The following UNC5D variants were observed in gnomAD, a reference collection of about 807,000 sequenced individuals.
The protein encoded by UNC5D is netrin receptor UNC5D.
In UNC5D, 39 loss-of-function variants were observed where a neutral mutation model predicts 105.4. The ratio of observed to expected loss-of-function variants is 0.37; its 90% CI spans 0.29 to 0.48. The LOEUF (loss-of-function observed/expected upper bound fraction) is 0.48, where lower values mean the gene tolerates loss of function less well. Ranked by LOEUF, UNC5D falls within the 20% of genes least tolerant of loss-of-function variation. The probability of loss-of-function intolerance (pLI) is 0.98; values close to 1 mark genes in which losing one functional copy is unlikely to be tolerated. For synonymous variants in UNC5D, 452 were observed against 450.4 expected, an observed-to-expected ratio of 1.00 and a Z score of -0.04; for missense variants, 991 against 1,202.4, an observed-to-expected ratio of 0.82 and a Z score of 2.60.
chr8:35,725,058 G>A (rs1362542656), intron 9 of UNC5D, among the ~76,000 whole-genome samples: 2 of 152,216 alleles, frequency 1.3e-5, no homozygotes, highest in Non-Finnish European at 2.9e-5. Flanking sequence ...GATGGGAAAA[G>A]TCAGGGTGAT....
rs186935409 is a variant in UNC5D at position 35,538,204 on chromosome 8, A to G, written c.104-11088A>G. Reference sequence around the variant, plus strand: ...ATCGGCTATAAGCAAAAGAGGGGGGACATTCGTATCATGGGGCAGAAGGAA... The same window carrying G: ...ATCGGCTATAAGCAAAAGAGGGGGGGCATTCGTATCATGGGGCAGAAGGAA... On this transcript the variant is annotated intron_variant, in intron 1 of 16. Coordinates refer to ENST00000404895, the MANE Select transcript of UNC5D (RefSeq NM_080872.4). Among the ~76,000 whole-genome samples, 4 of 151,456 alleles carry G rather than the reference A, an allele frequency of 2.6e-5. No individual in the cohort carries two copies. The East Asian group carries it at 7.8e-4, about 30-fold the overall frequency.
intron 1 of UNC5D, among the ~76,000 whole-genome samples, chr8:35,251,531 C>T (rs143343683): frequency 7.2e-5 from 11 of 152,238 alleles, no homozygotes; most frequent in Middle Eastern, 3.4e-3. Flanking sequence ...TGGCACACAA[C>T]GTTTCACCTT....
chr8:35,726,564 CATTTA>C lies in UNC5D; in HGVS notation c.1681+37_1681+41del, dbSNP rs1563710673. 5 of 1,592,710 alleles carry C rather than the reference CATTTA, an allele frequency of 3.1e-6. No homozygotes were observed. In the Admixed American group the frequency reaches 6.8e-5, roughly 22 times the overall value. On this transcript the variant is annotated intron_variant, in intron 10 of 16. Transcript: ENST00000404895. ...AAGTGTGTGTTTGTGTATTTTCCAT[CATTTA>C]AATGTTTCATTTTTACACAGTTACT... is the stretch of plus-strand genomic sequence containing the variant.
chr8:35,672,756 C>T (rs970855056), intron 4 of UNC5D, among the ~76,000 whole-genome samples: 1 of 152,158 alleles, frequency 6.6e-6, no homozygotes, highest in Non-Finnish European at 1.5e-5. Context: ...TCATTCTTCA[C>T]TCATGACAGT....
At chr8:35,709,815 A>C (rs1464036719) in intron 8 of UNC5D, among the ~76,000 whole-genome samples, 1 of 152,224 alleles carries the variant, frequency 6.6e-6, no homozygotes, top group Admixed American at 6.5e-5. Context: ...AGCAGGACAC[A>C]AATGCTATGA....
chr8:35,736,081 C>T (rs1182568250), intron 11 of UNC5D, among the ~76,000 whole-genome samples: 1 of 152,144 alleles, frequency 6.6e-6, no homozygotes, highest in Non-Finnish European at 1.5e-5. Flanking sequence ...ACTGTATATG[C>T]TTTTCCTGGC....
intron 1 of UNC5D, among the ~76,000 whole-genome samples, chr8:35,496,151 A>G (rs1811577857): frequency 6.6e-6 from 1 of 152,216 alleles, no homozygotes. Flanking sequence ...GTAATCCTTC[A>G]GGTGCAATCT....
intron 1 of UNC5D, among the ~76,000 whole-genome samples, chr8:35,273,017 G>C (rs1332522886): frequency 6.6e-6 from 1 of 152,148 alleles, no homozygotes; most frequent in African/African-American, 2.4e-5. Context: ...CTAAGCAATT[G>C]CTCTAAGCAA....
At chr8:35,425,021 G>T (rs1422427341) in intron 1 of UNC5D, among the ~76,000 whole-genome samples, 2 of 151,978 alleles carry the variant, frequency 1.3e-5, no homozygotes, top group Admixed American at 6.6e-5. Context: ...TGTTCTCATT[G>T]TTCAATTCCC....
chr8:35,523,014 A>G (rs1014364937), intron 1 of UNC5D, among the ~76,000 whole-genome samples: 4 of 151,004 alleles, frequency 2.6e-5, no homozygotes, highest in Non-Finnish European at 5.9e-5. Flanking sequence ...ATCTAGATGT[A>G]TTTCTTTCTT....
Position 35,790,514 on chromosome 8 carries a change from C to A in UNC5D, c.2813C>A (p.Ser938Tyr), listed in dbSNP as rs2131817027. The A allele has an allele frequency of 6.2e-7, 1 of 1,613,916 alleles. No individual in the cohort carries two copies. The highest frequency in any genetic ancestry group is 1.1e-5 in the South Asian group (1 of 91,084). Residue 938 changes from serine (S) to tyrosine (Y), a missense_variant, in exon 17 of 17, where the codon TCC becomes TAC. Around this residue, in one of 3 missense-constraint regions of UNC5D, gnomAD observed 45 missense variants for 54.5 expected, o/e 0.83. Transcript: ENST00000404895. The part of the protein sequence containing the change: ...THTKLSNISE[S>Y]QLDEADFNYS... Reference sequence around the variant, plus strand: ...ACGAAACTCTCAAACATTTCAGAATCCCAGCTTGATGAAGCCGACTTCAAC... The same window carrying A: ...ACGAAACTCTCAAACATTTCAGAATACCAGCTTGATGAAGCCGACTTCAAC...
At chr8:35,462,318 G>A (rs183221094) in intron 1 of UNC5D, among the ~76,000 whole-genome samples, 33 of 151,710 alleles carry the variant, frequency 2.2e-4, no homozygotes, top group South Asian at 1.0e-3. Flanking sequence ...TACTAAAATT[G>A]TCTAACAAAT....
intron 1 of UNC5D, among the ~76,000 whole-genome samples, chr8:35,381,936 C>T (rs1022170524): frequency 1.3e-5 from 2 of 152,298 alleles, no homozygotes; most frequent in South Asian, 4.1e-4. Context: ...TCTTCATTAA[C>T]TTAAAAAGTG....
intron 15 of UNC5D, among the ~76,000 whole-genome samples, chr8:35,770,288 A>G (rs1193129579): frequency 2.0e-5 from 3 of 150,280 alleles, no homozygotes; most frequent in Admixed American, 1.3e-4. Flanking sequence ...TATTAATAAG[A>G]TATCTATCTC....
chr8:35,552,070 A>G (rs1483942142), intron 2 of UNC5D, among the ~76,000 whole-genome samples: 2 of 152,192 alleles, frequency 1.3e-5, no homozygotes, highest in Non-Finnish European at 2.9e-5. Flanking sequence ...AAAACTCTAT[A>G]ATAATTCCCT....
intron 1 of UNC5D, among the ~76,000 whole-genome samples, chr8:35,523,085 G>GTTTT (rs200458289): frequency 1.5e-5 from 2 of 134,948 alleles, no homozygotes; most frequent in African/African-American, 2.8e-5. Context: ...CATTGTATTA[G>GTTTT]TTTTTTTTTT....
At position 35,423,936 on chromosome 8, in the gene UNC5D, A is replaced by G. The variant is rs377041762; in HGVS notation, c.104-125356A>G. ...GTTACAGTCATAGTTCACTGCAACT[A>G]CAGGCATGTGCCACCAAGTCTGGCT... On this transcript the variant is annotated intron_variant, in intron 1 of 16. Coordinates refer to ENST00000404895, the MANE Select transcript of UNC5D (RefSeq NM_080872.4). Among the ~76,000 whole-genome samples the G allele has an allele frequency of 5.3e-5, 8 of 150,594 alleles. No individual in the cohort carries two copies. In the South Asian group the frequency reaches 1.7e-3, roughly 31 times the overall value.
chr8:35,604,672 C>T (rs1299221806), intron 4 of UNC5D, among the ~76,000 whole-genome samples: 1 of 152,228 alleles, frequency 6.6e-6, no homozygotes, highest in Admixed American at 6.5e-5. Context: ...CCGTCACTTT[C>T]AGGTATACCA....
intron 11 of UNC5D, among the ~76,000 whole-genome samples, chr8:35,745,610 C>T (rs993747537): frequency 2.0e-5 from 3 of 152,124 alleles, no homozygotes; most frequent in African/African-American, 7.2e-5. Context: ...AGAAATAAGA[C>T]CGGGCTCTTA....
Sources: gnomAD v4.1 joint callset for allele counts (sites outside exome capture counted in the v4.1 genomes callset) on GRCh38, gnomAD v4.1.1 for gene constraint, gnomAD v4.1.1 regional missense constraint, MANE v1.5 for transcripts, NCBI Gene and HGNC (gene_info 2026-07-23, HGNC 2026-07-21) for gene names.